The following KREMEN1 variants were observed in gnomAD, a reference collection of about 807,000 sequenced individuals.
KREMEN1 encodes kremen protein 1.
Under a neutral mutation model 46.5 loss-of-function variants are expected in KREMEN1, and 30 were observed. That is an observed-to-expected ratio of 0.65 (90% CI 0.48 to 0.88). The LOEUF (loss-of-function observed/expected upper bound fraction) is 0.88, where lower values mean the gene tolerates loss of function less well. KREMEN1 is among the 40% of genes least tolerant of loss of function. The pLI is 0.00. For synonymous variants in KREMEN1, 214 were observed against 230.6 expected (o/e 0.93, Z 0.65); for missense variants, 533 against 596.9 (o/e 0.89, Z 1.11).
At position 29,145,187 on chromosome 22, in the gene KREMEN1, T is replaced by TG; in HGVS notation, c.*3078dup. 6.1e-6 allele frequency: 6 copies of TG among 985,772 alleles called. No individual in the cohort carries two copies. The highest frequency in any genetic ancestry group is 7.2e-6 in the Non-Finnish European group (6 of 830,074). The allele number at this position is 985,772 out of a possible 1,614,324, so 61.1% of individuals were successfully genotyped here. On this transcript the variant is annotated 3_prime_UTR_variant, in exon 9 of 9. Transcript: ENST00000400335. Reference sequence around the variant, plus strand: ...AGAAACTGCTCCAGAAGAGATGACGTGGGCTTCCAGGAGCATGGAGGAGGT... The same window carrying TG: ...AGAAACTGCTCCAGAAGAGATGACGTGGGGCTTCCAGGAGCATGGAGGAGGT...
At chr22:29,130,225 G>T (rs2038511733) in intron 5 of KREMEN1, among the ~76,000 whole-genome samples, 1 of 152,180 alleles carries the variant, frequency 6.6e-6, no homozygotes. Context: ...TCTGCCCAAG[G>T]TCCCACAGAT....
chr22:29,142,662 G>A lies in KREMEN1; in HGVS notation c.*550G>A. On this transcript the variant is annotated 3_prime_UTR_variant, in exon 9 of 9. Coordinates refer to ENST00000400335, the MANE Select transcript of KREMEN1 (RefSeq NM_001039570.3). Reference sequence around the variant, plus strand: ...GCGAGGTGTAAAGAGGGCAGTGTCTGTGCTGCCCCGGCAGCTTTGCTCTCC... The same window carrying A: ...GCGAGGTGTAAAGAGGGCAGTGTCTATGCTGCCCCGGCAGCTTTGCTCTCC... The A allele has an allele frequency of 3.0e-6, 3 of 985,520 alleles. No individual in the cohort carries two copies. Among genetic ancestry groups the A allele is most frequent in the Non-Finnish European group, 3.6e-6 (3 of 829,998 alleles). 61.0% of individuals were successfully genotyped at this position (985,520 alleles called of 1,614,324 possible).
At chr22:29,147,554 CT>C (rs1197708401), downstream of KREMEN1, among the ~76,000 whole-genome samples, 1 of 152,218 alleles carries the variant, frequency 6.6e-6, no homozygotes, top group African/African-American at 2.4e-5. Context: ...CATTCATTCT[CT>C]GTGAGGCCAG....
chr22:29,144,594 T>C lies in KREMEN1; in HGVS notation c.*2482T>C, dbSNP rs114127861. ...CTCCCCTCCAAGCTATTCATGCTGT[T>C]TGTGGAATCTCTCTCAAACATAAGT... is the stretch of plus-strand genomic sequence containing the variant. On this transcript the variant is annotated 3_prime_UTR_variant, in exon 9 of 9. Transcript: ENST00000400335. The C allele has an allele frequency of 5.6e-4, 553 of 985,538 alleles. 3 individuals carry two copies. In the African/African-American group the frequency reaches 9.1e-3, roughly 16 times the overall value. 61.0% of individuals were successfully genotyped at this position (985,538 alleles called of 1,614,324 possible).
In KREMEN1 at chr22:29,138,736, C is replaced by T. The variant is rs1012438878; in HGVS notation, c.1077C>T (p.Leu359=). The T allele has an allele frequency of 1.2e-6, 2 of 1,614,134 alleles. No homozygotes were observed. Among genetic ancestry groups the T allele is most frequent in the African/African-American group, 2.7e-5 (2 of 74,946 alleles). The part of the protein sequence containing the change: ...SVSAARSSKV[L]YVITTSPSHP... ...GCGCTGCCCGGTCCTCCAAAGTCCT[C>T]TATGTCATCACCACCAGCCCCAGCC... Residue 359 remains leucine (L), a synonymous_variant, in exon 7 of 9, where the codon CTC becomes CTT. Transcript: ENST00000400335.
At chr22:29,137,716 G>T in intron 6 of KREMEN1, 42 bp downstream of exon 6, 1 of 1,487,010 alleles carries the variant, frequency 6.7e-7, no homozygotes, top group Non-Finnish European at 9.2e-7. Context: ...CAGGGCCCAC[G>T]TGCCTTGGGC....
At chr22:29,153,838 C>T (rs2038938094) in intron 9 of KREMEN1, among the ~76,000 whole-genome samples, 1 of 151,914 alleles carries the variant, frequency 6.6e-6, no homozygotes, top group African/African-American at 2.4e-5. Flanking sequence ...AAAAAATCAG[C>T]CTGGCGTGCT....
In KREMEN1 at chr22:29,123,937, C is replaced by A. The variant is rs1425683311; in HGVS notation, c.478-1326C>A. On this transcript the variant is annotated intron_variant, in intron 4 of 8. Coordinates refer to ENST00000400335, the MANE Select transcript of KREMEN1 (RefSeq NM_001039570.3). ...ATATACTGAAAATAACAAGTGCTGA[C>A]AAGGATACAGAGCAACTGGGACTTT... 2.6e-5 allele frequency among the ~76,000 whole-genome samples: 4 copies of A among 151,936 alleles called. No homozygotes were observed. The East Asian group carries it at 5.8e-4, about 22-fold the overall frequency.
Position 29,125,366 on chromosome 22 carries a change from G to A in KREMEN1, c.581G>A (p.Gly194Glu), listed in dbSNP as rs748018758. 1 of 1,614,168 alleles carries A rather than the reference G, an allele frequency of 6.2e-7. No individual in the cohort carries two copies. Among genetic ancestry groups the A allele is most frequent in the East Asian group, 2.2e-5 (1 of 44,880 alleles). The part of the protein sequence containing the change: ...ASTECNSVCF[G>E]DHTQPCGGDG... ...ACCGAATGCAACAGCGTCTGCTTCG[G>A]GGATCACACCCAACCCTGTGGTGGC... Residue 194 changes from glycine (G) to glutamate (E), a missense_variant, in exon 5 of 9, where the codon GGG (glycine) becomes GAG (glutamate). Physicochemically the swap from Gly to Glu is moderately conservative, Grantham distance 98. Coordinates refer to ENST00000400335, the MANE Select transcript of KREMEN1 (RefSeq NM_001039570.3).
chr22:29,166,483 C>T (rs1053906899), intron 9 of KREMEN1, among the ~76,000 whole-genome samples: 1 of 152,144 alleles, frequency 6.6e-6, no homozygotes, highest in African/African-American at 2.4e-5. Flanking sequence ...GCCTAAGCCT[C>T]GAACTCTGGC....
intron 5 of KREMEN1, among the ~76,000 whole-genome samples, chr22:29,135,361 C>T (rs773586792): frequency 6.6e-5 from 10 of 152,194 alleles, no homozygotes; most frequent in African/African-American, 9.7e-5. Flanking sequence ...CTCCCTCCCC[C>T]AGAGGCAAAC....
chr22:29,089,717 C>T (rs977273580), intron 1 of KREMEN1, among the ~76,000 whole-genome samples: 1 of 152,228 alleles, frequency 6.6e-6, no homozygotes, highest in Non-Finnish European at 1.5e-5. Flanking sequence ...CAAGACCTTA[C>T]ACGTCCTGAC....
chr22:29,086,223 C>T (rs2037725956), intron 1 of KREMEN1, among the ~76,000 whole-genome samples: 1 of 152,088 alleles, frequency 6.6e-6, no homozygotes, highest in South Asian at 2.1e-4. Context: ...TTGAGATAAT[C>T]TGGCTCGACT....
At chr22:29,133,177 G>A (rs994650674) in intron 5 of KREMEN1, among the ~76,000 whole-genome samples, 2 of 151,384 alleles carry the variant, frequency 1.3e-5, no homozygotes, top group African/African-American at 4.9e-5. Context: ...GAACCCAGGA[G>A]GTGAAGCTTG....
chr22:29,145,756 G>A lies in KREMEN1; in HGVS notation c.*3644G>A. 2.0e-6 allele frequency: 2 copies of A among 985,548 alleles called. No homozygotes were observed. Among genetic ancestry groups the A allele is most frequent in the Non-Finnish European group, 2.4e-6 (2 of 829,982 alleles). The allele number at this position is 985,548 out of a possible 1,614,324, so 61.1% of individuals were successfully genotyped here. A position where few individuals can be genotyped will look rare whatever the true frequency, so the allele number is the denominator to read the frequency against. Reference sequence around the variant, plus strand: ...TTGAGGCCTCTCTGGGCGTGAGCGAGGAAACCAGGCTGCTCTAACTTCTGA... The same window carrying A: ...TTGAGGCCTCTCTGGGCGTGAGCGAAGAAACCAGGCTGCTCTAACTTCTGA... On this transcript the variant is annotated 3_prime_UTR_variant, in exon 9 of 9. Coordinates refer to ENST00000400335, the MANE Select transcript of KREMEN1 (RefSeq NM_001039570.3).
intron 5 of KREMEN1, among the ~76,000 whole-genome samples, chr22:29,130,488 C>G (rs1348289572): frequency 6.6e-6 from 1 of 152,138 alleles, no homozygotes; most frequent in Non-Finnish European, 1.5e-5. Flanking sequence ...TAAAGTGTAT[C>G]CCTTAGAGTT....
rs765412815 is a variant in KREMEN1 at position 29,125,391 on chromosome 22, C to T, written c.606C>T (p.Gly202=). 24 of 1,614,028 alleles carry T rather than the reference C, an allele frequency of 1.5e-5. No homozygotes were observed. Among genetic ancestry groups the T allele is most frequent in the African/African-American group, 4.0e-5 (3 of 74,908 alleles). ...CFGDHTQPCG[G]DGRIILFDTL... is the part of the protein sequence containing the mutation. ...GGGATCACACCCAACCCTGTGGTGG[C>T]GATGGCAGGATCATCCTCTTTGATA... is the stretch of plus-strand genomic sequence containing the variant. Residue 202 remains glycine (G), a synonymous_variant, in exon 5 of 9, where the codon GGC becomes GGT. Coordinates refer to ENST00000400335, the MANE Select transcript of KREMEN1 (RefSeq NM_001039570.3).
chr22:29,128,795 T>G (rs2145827328), intron 5 of KREMEN1, among the ~76,000 whole-genome samples: 1 of 152,358 alleles, frequency 6.6e-6, no homozygotes, highest in Middle Eastern at 3.4e-3. Context: ...GTAATTTGTC[T>G]ATGCTAGTAA....
chr22:29,094,567 C>T, intron 2 of KREMEN1, 147 bp downstream of exon 2: 2 of 416,076 alleles, frequency 4.8e-6, no homozygotes, highest in South Asian at 5.2e-5. Flanking sequence ...ATTTCTTTCA[C>T]ACCTTACACA....
Sources: gnomAD v4.1 joint callset for allele counts (sites outside exome capture counted in the v4.1 genomes callset) on GRCh38, gnomAD v4.1.1 for gene constraint, MANE v1.5 for transcripts, NCBI Gene and HGNC (gene_info 2026-07-23, HGNC 2026-07-21) for gene names.